Variants in ACYP2 observed in about 807,000 individuals in gnomAD.
The protein encoded by ACYP2 is acylphosphatase 2.
A neutral mutation model predicts 11.2 loss-of-function variants in ACYP2; 12 were observed. The observed-to-expected ratio is 1.08, with a 90% CI of 0.69 to 1.74. The LOEUF (loss-of-function observed/expected upper bound fraction) is 1.74. Among genes scored for constraint, ACYP2 ranks in the 40% most tolerant of loss-of-function variants. The pLI is 0.00. For synonymous variants in ACYP2, 43 were observed against 32.2 expected (o/e 1.33, Z -1.13); for missense variants, 134 against 101.9 (o/e 1.31, Z -1.35).
At chr2:54,037,604 C>G (rs1286814129) in intron 2 of ACYP2, among the ~76,000 whole-genome samples, 1 of 152,042 alleles carries the variant, frequency 6.6e-6, no homozygotes, top group Non-Finnish European at 1.5e-5. Context: ...GATGAGATCT[C>G]ACAATGTTAC....
At chr2:54,097,134 C>T (rs1302881010) in intron 4 of ACYP2, among the ~76,000 whole-genome samples, 1 of 152,170 alleles carries the variant, frequency 6.6e-6, no homozygotes, top group Non-Finnish European at 1.5e-5. Flanking sequence ...GTCTCTGTTC[C>T]AAGGTTACCT....
At chr2:54,251,846 C>A (rs1345836436) in intron 6 of ACYP2, among the ~76,000 whole-genome samples, 3 of 152,188 alleles carry the variant, frequency 2.0e-5, no homozygotes, top group Non-Finnish European at 2.9e-5. Context: ...ATGCTTACTG[C>A]CCATTATAAA....
intron 6 of ACYP2, among the ~76,000 whole-genome samples, chr2:54,160,855 G>C (rs1345551646): frequency 6.6e-6 from 1 of 152,166 alleles, no homozygotes; most frequent in African/African-American, 2.4e-5. Context: ...GCTAAGAACT[G>C]GAAGAAGGGA....
intron 4 of ACYP2, among the ~76,000 whole-genome samples, chr2:54,120,034 G>A (rs1223124897): frequency 6.6e-6 from 1 of 152,232 alleles, no homozygotes; most frequent in African/African-American, 2.4e-5. Flanking sequence ...AGACCACAGA[G>A]GTGAAGTGCT....
chr2:54,213,927 C>G (rs1685444348), intron 6 of ACYP2, among the ~76,000 whole-genome samples: 1 of 152,038 alleles, frequency 6.6e-6, no homozygotes, highest in Non-Finnish European at 1.5e-5. Flanking sequence ...GCCACCACAC[C>G]TGGTTATTTT....
At chr2:54,180,441 G>T (rs1683656228) in intron 6 of ACYP2, among the ~76,000 whole-genome samples, 1 of 152,042 alleles carries the variant, frequency 6.6e-6, no homozygotes. Context: ...ACCACCTGGG[G>T]GTTGCCAGGC....
chr2:54,163,605 A>G (rs1682824469), intron 6 of ACYP2, among the ~76,000 whole-genome samples: 1 of 152,154 alleles, frequency 6.6e-6, no homozygotes, highest in Admixed American at 6.5e-5. Flanking sequence ...CCGTAATCCC[A>G]GCACTTTGGG....
chr2:54,126,293 A>G (rs1169343265), intron 4 of ACYP2, among the ~76,000 whole-genome samples: 5 of 152,198 alleles, frequency 3.3e-5, no homozygotes, highest in African/African-American at 1.2e-4. Flanking sequence ...TAGGTCTAAA[A>G]GCAAAATATA....
chr2:54,115,680 C>T lies in ACYP2; in HGVS notation c.278-19773C>T, dbSNP rs781431807. ...CCCGAGCCCCTCTCCGGCTCCTCAA[C>T]AGAGGGCTCGCCGCCGCCATGTCTA... On this transcript the variant is annotated intron_variant, in intron 4 of 6. Transcript: ENST00000607452. 3 of 1,609,298 alleles carry T rather than the reference C, an allele frequency of 1.9e-6. No homozygotes were observed. In the South Asian group the frequency reaches 3.3e-5, roughly 18 times the overall value.
intron 6 of ACYP2, among the ~76,000 whole-genome samples, chr2:54,292,441 TAAC>T (rs1689350295): frequency 6.6e-6 from 1 of 152,190 alleles, no homozygotes; most frequent in Admixed American, 6.5e-5. Flanking sequence ...ATTATATTGA[TAAC>T]ATCTTGAAAT....
chr2:54,061,204 A>G (rs769680767), intron 4 of ACYP2, among the ~76,000 whole-genome samples: 3 of 152,210 alleles, frequency 2.0e-5, no homozygotes, highest in Non-Finnish European at 4.4e-5. Context: ...TTATTTTGGC[A>G]ATCCAACTTT....
intron 6 of ACYP2, among the ~76,000 whole-genome samples, chr2:54,250,777 G>C (rs1464872645): frequency 1.3e-5 from 2 of 152,154 alleles, no homozygotes; most frequent in East Asian, 3.8e-4. Context: ...GAAAGATTTT[G>C]CTCAAATAAG....
In ACYP2 at chr2:54,219,895, A is replaced by G. The variant is rs1216482788; in HGVS notation, c.404+81147A>G. On this transcript the variant is annotated intron_variant, in intron 6 of 6. Coordinates refer to ENST00000607452, the MANE Select transcript of ACYP2 (RefSeq NM_001320586.2). ...TGTGTGTGTGTGTATATATATATAT[A>G]TATATATATATTTTTTTTTTTTTTT... Among the ~76,000 whole-genome samples, 5 of 94,070 alleles carry G rather than the reference A, an allele frequency of 5.3e-5. No individual in the cohort carries two copies. The East Asian group carries it at 9.8e-4, about 18-fold the overall frequency. 61.7% of individuals were successfully genotyped at this position (94,070 alleles called of 152,430 possible).
chr2:54,154,432 T>C (rs1682342251), intron 6 of ACYP2, among the ~76,000 whole-genome samples: 1 of 152,236 alleles, frequency 6.6e-6, no homozygotes, highest in Non-Finnish European at 1.5e-5. Context: ...TTTTCATATA[T>C]GGCCTTTATT....
intron 2 of ACYP2, among the ~76,000 whole-genome samples, chr2:53,994,616 C>A (rs1363504231): frequency 6.6e-6 from 1 of 151,864 alleles, no homozygotes; most frequent in African/African-American, 2.4e-5. Context: ...ATGCTTCAAC[C>A]TCTACCAAGA....
At chr2:54,267,412 G>T in intron 6 of ACYP2, 1 of 1,489,516 alleles carries the variant, frequency 6.7e-7, no homozygotes, top group South Asian at 1.3e-5. Flanking sequence ...ACATCCTAAA[G>T]TAAGGGGTGG....
chr2:54,082,391 G>A (rs1026523879), intron 4 of ACYP2, among the ~76,000 whole-genome samples: 7 of 151,848 alleles, frequency 4.6e-5, no homozygotes, highest in African/African-American at 1.5e-4. Flanking sequence ...GATTACAGGC[G>A]CATACTCCCA....
intron 2 of ACYP2, among the ~76,000 whole-genome samples, chr2:54,019,335 G>T (rs1194095405): frequency 6.6e-6 from 1 of 151,772 alleles, no homozygotes; most frequent in Non-Finnish European, 1.5e-5. Flanking sequence ...GCTTCCTGAA[G>T]TGCTAGGATT....
chr2:54,075,702 A>G (rs1406819648), intron 4 of ACYP2, among the ~76,000 whole-genome samples: 1 of 151,894 alleles, frequency 6.6e-6, no homozygotes, highest in Non-Finnish European at 1.5e-5. Context: ...AATCCCAGCT[A>G]CTCAGAAGGC....
Sources: allele counts gnomAD v4.1 joint callset (sites outside exome capture counted in the v4.1 genomes callset), GRCh38; gene constraint gnomAD v4.1.1; transcripts MANE v1.5; gene names NCBI Gene and HGNC (gene_info 2026-07-23, HGNC 2026-07-21).